Variants in TTC23 observed in about 807,000 individuals in gnomAD.
TTC23 encodes tetratricopeptide repeat protein 23.
Under a neutral mutation model 55.1 loss-of-function variants are expected in TTC23, and 58 were observed. The observed-to-expected ratio is 1.05, with a 90% CI of 0.85 to 1.31. The LOEUF (loss-of-function observed/expected upper bound fraction) is 1.31, where lower values mean the gene tolerates loss of function less well. Among genes scored for constraint, TTC23 ranks in the 50% most tolerant of loss-of-function variants. TTC23 has a pLI of 0.00. For synonymous variants in TTC23, 203 were observed against 199.9 expected, an observed-to-expected ratio of 1.02 and a Z score of -0.13; for missense variants, 516 against 534.4, an observed-to-expected ratio of 0.97 and a Z score of 0.34.
chr15:99,217,706 T>C (rs750775462), intron 8 of TTC23, among the ~76,000 whole-genome samples: 5 of 152,296 alleles, frequency 3.3e-5, no homozygotes, highest in East Asian at 1.9e-4. Context: ...ACAAAGGGAA[T>C]TGTGATCACA....
At position 99,136,639 on chromosome 15, in the gene TTC23, A is replaced by AC. The variant is rs2067612885; in HGVS notation, c.*1370dup. ...AACCTAATCACCTCTCCAAGACCCC[A>AC]CCCCCAATACCATCCCTTTGGGGAT... is the stretch of plus-strand genomic sequence containing the variant. On this transcript the variant is annotated 3_prime_UTR_variant, in exon 14 of 14. Coordinates refer to ENST00000394132, the MANE Select transcript of TTC23 (RefSeq NM_001288615.3). The AC allele has an allele frequency of 6.6e-6, 1 of 151,860 alleles. No homozygotes were observed. 9.4% of individuals were successfully genotyped at this position (151,860 alleles called of 1,614,324 possible).
At chr15:99,148,530 T>G (rs1157501600) in intron 12 of TTC23, 1 of 152,142 alleles carries the variant, frequency 6.6e-6, no homozygotes, top group Non-Finnish European at 1.5e-5. Flanking sequence ...TGGAAATGTT[T>G]AATGCCCACA....
At chr15:99,195,494 G>A (rs1274516978) in intron 9 of TTC23, among the ~76,000 whole-genome samples, 1 of 152,214 alleles carries the variant, frequency 6.6e-6, no homozygotes, top group Admixed American at 6.5e-5. Context: ...TTCATTGCTG[G>A]TGGGAATGTA....
intron 8 of TTC23, among the ~76,000 whole-genome samples, chr15:99,200,563 A>G (rs187993609): frequency 7.2e-5 from 11 of 152,352 alleles, no homozygotes; most frequent in Admixed American, 2.6e-4. Flanking sequence ...CTGTTGAGAA[A>G]TTTTAGAAAT....
At chr15:99,162,083 C>G (rs963223335) in intron 10 of TTC23, among the ~76,000 whole-genome samples, 1 of 152,190 alleles carries the variant, frequency 6.6e-6, no homozygotes, top group Non-Finnish European at 1.5e-5. Context: ...AATTTTCATA[C>G]ATCTAGCTTT....
intron 2 of TTC23, among the ~76,000 whole-genome samples, chr15:99,242,151 TA>T (rs1567569134): frequency 7.1e-6 from 1 of 140,774 alleles, no homozygotes. Flanking sequence ...AAAAAAAAGT[TA>T]AAAAAAAGAA....
At chr15:99,247,146 C>A (rs762271062) in intron 1 of TTC23, among the ~76,000 whole-genome samples, 4 of 152,174 alleles carry the variant, frequency 2.6e-5, no homozygotes, top group Non-Finnish European at 5.9e-5. Context: ...TGAATGACTA[C>A]AATGAATAAG....
intron 4 of TTC23, among the ~76,000 whole-genome samples, chr15:99,233,477 T>C (rs1039629363): frequency 1.3e-5 from 2 of 151,944 alleles, no homozygotes; most frequent in Admixed American, 6.6e-5. Context: ...AAAATATTAA[T>C]AAAAAAGAAA....
At chr15:99,240,133 T>C (rs750451240) in intron 3 of TTC23, among the ~76,000 whole-genome samples, 11 of 152,202 alleles carry the variant, frequency 7.2e-5, no homozygotes, top group Non-Finnish European at 1.2e-4. Flanking sequence ...ACATCTTCAA[T>C]AGATTTAACT....
intron 8 of TTC23, among the ~76,000 whole-genome samples, chr15:99,203,965 A>T (rs1596636652): frequency 6.6e-6 from 1 of 152,238 alleles, no homozygotes; most frequent in East Asian, 1.9e-4. Flanking sequence ...GAGAGTGCAG[A>T]TATTTCTTTT....
At chr15:99,207,139 T>G (rs1353424111) in intron 8 of TTC23, among the ~76,000 whole-genome samples, 2 of 152,182 alleles carry the variant, frequency 1.3e-5, no homozygotes, top group African/African-American at 4.8e-5. Context: ...AAAGTAACCC[T>G]GTGTCTTTGA....
At chr15:99,240,356 T>C (rs552389221) in intron 3 of TTC23, among the ~76,000 whole-genome samples, 18 of 152,356 alleles carry the variant, frequency 1.2e-4, no homozygotes, top group African/African-American at 4.1e-4. Context: ...GTTATATTTA[T>C]TCTGAGCACT....
chr15:99,228,631 ACTT>A lies in TTC23; in HGVS notation c.79_81del (p.Lys27del). Reference sequence around the variant, plus strand: ...GCTGTCTGAAGCAGCTTGTTTTGGAACTTCTTTCTATGAGTGATGCTAACAGCA... The same window carrying A: ...GCTGTCTGAAGCAGCTTGTTTTGGAACTTTCTATGAGTGATGCTAACAGCA... On this transcript the variant is annotated inframe_deletion, in exon 5 of 14. Transcript: ENST00000394132. 3 of 1,613,802 alleles carry A rather than the reference ACTT, an allele frequency of 1.9e-6. No homozygotes were observed. The highest frequency in any genetic ancestry group is 2.5e-6 in the Non-Finnish European group (3 of 1,179,836).
At chr15:99,142,788 A>G (rs888474984) in intron 12 of TTC23, among the ~76,000 whole-genome samples, 24 of 152,194 alleles carry the variant, frequency 1.6e-4, no homozygotes, top group African/African-American at 4.3e-4. Flanking sequence ...CACCTGTTAC[A>G]AACCCGTGTG....
At chr15:99,172,071 G>A (rs1374011389) in intron 10 of TTC23, among the ~76,000 whole-genome samples, 2 of 150,722 alleles carry the variant, frequency 1.3e-5, no homozygotes, top group African/African-American at 4.9e-5. Context: ...AGGCTGGAGT[G>A]CAGTGGCACA....
At chr15:99,158,724 A>G (rs1388791049) in intron 11 of TTC23, 1 of 152,338 alleles carries the variant, frequency 6.6e-6, no homozygotes, top group Non-Finnish European at 1.5e-5. Flanking sequence ...TCATCCCTCA[A>G]ATATCATGTT....
At chr15:99,197,171 C>T (rs1383039401) in intron 9 of TTC23, among the ~76,000 whole-genome samples, 3 of 151,558 alleles carry the variant, frequency 2.0e-5, no homozygotes, top group Non-Finnish European at 4.4e-5. Flanking sequence ...GGCGCGATCT[C>T]AGCTCACTGC....
intron 9 of TTC23, 35 bp downstream of exon 9, chr15:99,199,884 A>C (rs778848427): frequency 3.8e-5 from 60 of 1,583,366 alleles, no homozygotes; most frequent in Non-Finnish European, 6.9e-6. Context: ...CATTGGGCCT[A>C]GAACAGCTTT....
chr15:99,231,315 G>T (rs1042779356), intron 4 of TTC23, among the ~76,000 whole-genome samples: 1 of 152,116 alleles, frequency 6.6e-6, no homozygotes, highest in African/African-American at 2.4e-5. Flanking sequence ...AAAGCCTCAG[G>T]CAGGTCCTTC....
Sources: gnomAD v4.1 joint callset for allele counts (sites outside exome capture counted in the v4.1 genomes callset) on GRCh38, gnomAD v4.1.1 for gene constraint, MANE v1.5 for transcripts, NCBI Gene and HGNC (gene_info 2026-07-23, HGNC 2026-07-21) for gene names.